SLC8A1: variants seen among roughly 807,000 people sequenced by gnomAD.
SLC8A1 encodes the protein sodium/calcium exchanger 1.
SLC8A1 carries 18 observed loss-of-function variants against 68.3 expected under a neutral mutation model. The ratio of observed to expected loss-of-function variants is 0.26; its 90% CI spans 0.18 to 0.39. The LOEUF (loss-of-function observed/expected upper bound fraction) is 0.39, where lower values mean the gene tolerates loss of function less well. Ranked by LOEUF, SLC8A1 falls within the 10% of genes least tolerant of loss-of-function variation. The pLI is 1.00. For missense variants in SLC8A1, 985 were observed against 1,156.7 expected (o/e 0.85, Z 2.15); for synonymous variants, 475 against 415.5 (o/e 1.14, Z -1.74).
chr2:40,220,796 TG>T (rs2058215929), intron 2 of SLC8A1, among the ~76,000 whole-genome samples: 1 of 151,998 alleles, frequency 6.6e-6, no homozygotes, highest in Non-Finnish European at 1.5e-5. Context: ...GATGCAAGAT[TG>T]TAACAGATTC....
rs1223386711 is a variant in SLC8A1, at chr2:40,212,301, TC to T, written c.1809-34447del. On this transcript the variant is annotated intron_variant, in intron 2 of 7. Coordinates refer to ENST00000406785, the Ensembl canonical transcript of SLC8A1. ...GCAATATCTTTTTTTTTTTTTTTTT[TC>T]CTGAGACAAGTCTCGCTTTGTCGAC... Among the ~76,000 whole-genome samples, 4 of 150,320 alleles carry T rather than the reference TC, an allele frequency of 2.7e-5. No individual in the cohort carries two copies. In the East Asian group the frequency reaches 7.8e-4, roughly 29 times the overall value.
intron 2 of SLC8A1, among the ~76,000 whole-genome samples, chr2:40,381,185 G>A (rs1371348114): frequency 6.6e-6 from 1 of 151,918 alleles, no homozygotes; most frequent in African/African-American, 2.4e-5. Context: ...GCTGCACTCG[G>A]CAATACCACC....
At chr2:40,222,886 G>A (rs1278731426) in intron 2 of SLC8A1, among the ~76,000 whole-genome samples, 1 of 152,118 alleles carries the variant, frequency 6.6e-6, no homozygotes, top group African/African-American at 2.4e-5. Flanking sequence ...TAGAGAGGAT[G>A]TGAAGAAATA....
At chr2:40,287,841 T>G (rs2068600420) in intron 2 of SLC8A1, among the ~76,000 whole-genome samples, 1 of 152,018 alleles carries the variant, frequency 6.6e-6, no homozygotes, top group Non-Finnish European at 1.5e-5. Context: ...CTCTGCTGCT[T>G]GTCACTCACA....
intron 2 of SLC8A1, among the ~76,000 whole-genome samples, chr2:40,282,404 C>T (rs924988054): frequency 2.0e-5 from 3 of 152,150 alleles, no homozygotes; most frequent in African/African-American, 7.2e-5. Flanking sequence ...TTCTGTATCT[C>T]TGTATTACCC....
At chr2:40,448,018 A>G (rs1576563220) in intron 1 of SLC8A1, among the ~76,000 whole-genome samples, 2 of 152,340 alleles carry the variant, frequency 1.3e-5, no homozygotes, top group East Asian at 1.9e-4. Flanking sequence ...ACAAATGTAA[A>G]TTTAAAACAC....
At chr2:40,464,913 A>G (rs150730960) in intron 1 of SLC8A1, among the ~76,000 whole-genome samples, 34 of 152,246 alleles carry the variant, frequency 2.2e-4, no homozygotes, top group Non-Finnish European at 4.1e-4. Context: ...AATGAGATTG[A>G]TCAGAAGCAG....
intron 2 of SLC8A1, among the ~76,000 whole-genome samples, chr2:40,305,666 ACTGT>A (rs1157375011): frequency 6.6e-6 from 1 of 152,154 alleles, no homozygotes; most frequent in East Asian, 1.9e-4. Context: ...TACCTTTCTG[ACTGT>A]CTAATAGAAA....
intron 2 of SLC8A1, among the ~76,000 whole-genome samples, chr2:40,260,977 C>T (rs2064618634): frequency 6.6e-6 from 1 of 152,130 alleles, no homozygotes; most frequent in South Asian, 2.1e-4. Flanking sequence ...GCTAGGAATA[C>T]AGTTTAGTGA....
At chr2:40,470,094 C>T (rs969153898) in intron 1 of SLC8A1, among the ~76,000 whole-genome samples, 1 of 152,132 alleles carries the variant, frequency 6.6e-6, no homozygotes, top group Non-Finnish European at 1.5e-5. Flanking sequence ...TACTTACGCA[C>T]ACTCTTTCCC....
intron 7 of SLC8A1, among the ~76,000 whole-genome samples, chr2:40,138,611 C>G (rs1422681872): frequency 6.6e-6 from 1 of 152,138 alleles, no homozygotes; most frequent in East Asian, 1.9e-4. Flanking sequence ...AACCCACATT[C>G]CTGGGCCCTG....
chr2:40,370,607 A>G (rs984215372), intron 2 of SLC8A1, among the ~76,000 whole-genome samples: 5 of 152,120 alleles, frequency 3.3e-5, no homozygotes, highest in African/African-American at 1.2e-4. Flanking sequence ...CCAAAACTAC[A>G]TTTAACTTGA....
intron 2 of SLC8A1, among the ~76,000 whole-genome samples, chr2:40,262,175 A>C (rs969751181): frequency 2.0e-5 from 3 of 151,930 alleles, no homozygotes; most frequent in African/African-American, 7.3e-5. Flanking sequence ...GTTGGCCAGG[A>C]TGGTCTCGAT....
intron 2 of SLC8A1, among the ~76,000 whole-genome samples, chr2:40,358,173 A>G (rs193247684): frequency 6.6e-6 from 1 of 151,992 alleles, no homozygotes; most frequent in East Asian, 1.9e-4. Context: ...CCACCCATTC[A>G]TTCATTATTC....
chr2:40,369,721 A>T (rs1022280954), intron 2 of SLC8A1, among the ~76,000 whole-genome samples: 1 of 152,138 alleles, frequency 6.6e-6, no homozygotes, highest in Non-Finnish European at 1.5e-5. Context: ...TTTCTTTAGC[A>T]GATCTTGTAA....
chr2:40,181,258 C>A (rs2049497105), intron 2 of SLC8A1, among the ~76,000 whole-genome samples: 2 of 152,196 alleles, frequency 1.3e-5, no homozygotes, highest in South Asian at 4.1e-4. Flanking sequence ...CCACACCTGG[C>A]CTATTTTCTA....
chr2:40,274,232 G>T (rs930822639), intron 2 of SLC8A1, among the ~76,000 whole-genome samples: 12 of 148,850 alleles, frequency 8.1e-5, no homozygotes, highest in Non-Finnish European at 1.5e-5. Context: ...TTTCTACCAA[G>T]GAAACCTGGG....
At chr2:40,293,861 G>T (rs2069812081) in intron 2 of SLC8A1, among the ~76,000 whole-genome samples, 2 of 152,118 alleles carry the variant, frequency 1.3e-5, no homozygotes, top group South Asian at 2.1e-4. Context: ...AATCAAACTT[G>T]TAACATTACT....
intron 1 of SLC8A1, among the ~76,000 whole-genome samples, chr2:40,446,142 T>C (rs1314942621): frequency 6.6e-6 from 1 of 152,172 alleles, no homozygotes; most frequent in Non-Finnish European, 1.5e-5. Context: ...AAAAACCACC[T>C]ACCCTAGTAG....
Sources: allele counts gnomAD v4.1 joint callset (sites outside exome capture counted in the v4.1 genomes callset), GRCh38; gene constraint gnomAD v4.1.1; transcripts MANE v1.5; gene names NCBI Gene and HGNC (gene_info 2026-07-23, HGNC 2026-07-21).